The following CHMP4B variants were observed in gnomAD, a reference collection of about 807,000 sequenced individuals.
The protein encoded by CHMP4B is charged multivesicular body protein 4B.
In CHMP4B, 1 loss-of-function variant was observed where a neutral mutation model predicts 25.1. The observed-to-expected ratio is 0.04, with a 90% CI of 0.01 to 0.19. The LOEUF (loss-of-function observed/expected upper bound fraction) is 0.19. CHMP4B is among the 10% of genes least tolerant of loss of function. CHMP4B has a pLI of 1.00. For synonymous variants in CHMP4B, 101 were observed against 115.6 expected (o/e 0.87, Z 0.81); for missense variants, 151 against 289.7 (o/e 0.52, Z 3.48).
chr20:33,852,090 C>G lies in CHMP4B; in HGVS notation c.497C>G (p.Ala166Gly). The change falls in exon 4 of 5, where the codon GCG becomes GGG. Residue 166 changes from alanine (A) to glycine (G), a missense_variant. Around this residue, in one of 3 missense-constraint regions of CHMP4B, gnomAD observed 82 missense variants for 208.3 expected, o/e 0.39. Coordinates refer to ENST00000217402, the MANE Select transcript of CHMP4B (RefSeq NM_176812.5). ...GEEFDEDELMAELEELEQEEL... is the reference protein window; with the variant it reads ...GEEFDEDELMGELEELEQEEL... ...TCCTTTTACTAGGATGAGCTCATGG[C>G]GGAATTAGAAGAACTAGAACAGGAG... is the stretch of plus-strand genomic sequence containing the variant. 1 of 1,614,110 alleles carries G rather than the reference C, an allele frequency of 6.2e-7. No individual in the cohort carries two copies. The highest frequency in any genetic ancestry group is 8.5e-7 in the Non-Finnish European group (1 of 1,180,026).
intron 1 of CHMP4B, among the ~76,000 whole-genome samples, chr20:33,843,472 C>A (rs1439579480): frequency 1.3e-5 from 2 of 152,274 alleles, no homozygotes; most frequent in East Asian, 3.9e-4. Flanking sequence ...TCTTTAGACA[C>A]CTCTTTTTTG....
intron 1 of CHMP4B, among the ~76,000 whole-genome samples, chr20:33,817,386 C>A (rs184585351): frequency 6.6e-6 from 1 of 152,296 alleles, no homozygotes; most frequent in Non-Finnish European, 1.5e-5. Flanking sequence ...TTTTTAATTG[C>A]CTGCCAGAGT....
chr20:33,816,176 A>G (rs544813454), intron 1 of CHMP4B, among the ~76,000 whole-genome samples: 3 of 152,226 alleles, frequency 2.0e-5, no homozygotes, highest in East Asian at 3.9e-4. Context: ...CTTTAGTCAT[A>G]TATTCATTCT....
intron 1 of CHMP4B, among the ~76,000 whole-genome samples, chr20:33,837,905 C>A (rs1979431475): frequency 6.6e-6 from 1 of 152,170 alleles, no homozygotes; most frequent in Admixed American, 6.5e-5. Context: ...AATCTCAGAA[C>A]TATATGGGTT....
rs568558175 is a variant in CHMP4B at position 33,838,067 on chromosome 20, C to T, written c.191-10400C>T. On this transcript the variant is annotated intron_variant, in intron 1 of 4. Transcript: ENST00000217402. ...CAGAGTTGGAACTAGAAGCCAGATT[C>T]GGAATCACAGGACCCGTGTTGCAGG... Among the ~76,000 whole-genome samples the T allele has an allele frequency of 1.0e-3, 159 of 152,322 alleles. 1 individual carries two copies. The highest frequency in any genetic ancestry group is 1.8e-3 in the Non-Finnish European group (125 of 68,032).
rs537009906 is a variant in CHMP4B at position 33,838,411 on chromosome 20, G to A, written c.191-10056G>A. Reference sequence around the variant, plus strand: ...TGGAAAGTGTGTGCCCCTTCCAAAAGGGATGGCTGCTGCTCTGCTCTAGTG... The same window carrying A: ...TGGAAAGTGTGTGCCCCTTCCAAAAAGGATGGCTGCTGCTCTGCTCTAGTG... On this transcript the variant is annotated intron_variant, in intron 1 of 4. Coordinates refer to ENST00000217402, the MANE Select transcript of CHMP4B (RefSeq NM_176812.5). Among the ~76,000 whole-genome samples, 3 of 152,322 alleles carry A rather than the reference G, an allele frequency of 2.0e-5. No homozygotes were observed. In the South Asian group the frequency reaches 6.2e-4, roughly 32 times the overall value.
chr20:33,814,300 G>T (rs1235840967), intron 1 of CHMP4B, among the ~76,000 whole-genome samples: 2 of 152,214 alleles, frequency 1.3e-5, no homozygotes, highest in African/African-American at 4.8e-5. Context: ...TTGAGAGTCA[G>T]AGATGAAAAT....
intron 1 of CHMP4B, 82 bp from the exon 2 acceptor site, chr20:33,848,385 A>C: frequency 1.4e-6 from 2 of 1,382,888 alleles, no homozygotes; most frequent in South Asian, 1.2e-5. Context: ...TGCTTCCAGT[A>C]GAGTTGGGGA....
intron 2 of CHMP4B, 86 bp from the exon 3 acceptor site, chr20:33,850,866 G>A (rs1979826520): frequency 1.1e-6 from 1 of 919,688 alleles, no homozygotes; most frequent in Admixed American, 1.7e-5. Context: ...ATTTTGTGGG[G>A]CCCAGTTTCT....
chr20:33,812,508 C>G (rs1331872327), intron 1 of CHMP4B, among the ~76,000 whole-genome samples: 2 of 152,242 alleles, frequency 1.3e-5, no homozygotes, highest in African/African-American at 4.8e-5. Context: ...TACTTTACTT[C>G]CTGTTGTCGT....
intron 1 of CHMP4B, among the ~76,000 whole-genome samples, chr20:33,823,203 C>T (rs1469115424): frequency 1.3e-5 from 2 of 151,798 alleles, no homozygotes; most frequent in Admixed American, 1.3e-4. Context: ...TGGGAAATAC[C>T]ATGTACTTTA....
At chr20:33,838,049 GGAACTAGAAGCCA>G (rs540167129) in intron 1 of CHMP4B, among the ~76,000 whole-genome samples, 42 of 152,336 alleles carry the variant, frequency 2.8e-4, no homozygotes, top group African/African-American at 9.6e-4. Context: ...TGGCAGAGTT[GGAACTAGAAGCCA>G]GATTCGGAAT....
rs55917511 is a variant in CHMP4B, at chr20:33,830,933, G to GTTTTTTTTTTTTT, written c.191-17530_191-17518dup. The stretch of plus-strand genomic sequence containing the variant: ...TGAATTAATTGTTCAAAGGAACAGA[G>GTTTTTTTTTTTTT]TTTTTTTTTTTTTTTTAGTTTTTTT... On this transcript the variant is annotated intron_variant, in intron 1 of 4. Coordinates refer to ENST00000217402, the MANE Select transcript of CHMP4B (RefSeq NM_176812.5). Among the ~76,000 whole-genome samples, 720 of 102,294 alleles carry GTTTTTTTTTTTTT rather than the reference G, an allele frequency of 7.0e-3. 68 individuals are homozygous for GTTTTTTTTTTTTT. The highest frequency in any genetic ancestry group is 0.016 in the African/African-American group (439 of 27,284). 67.1% of individuals were successfully genotyped at this position (102,294 alleles called of 152,430 possible).
chr20:33,811,403 CCCGAG>C lies in CHMP4B; in HGVS notation c.-42_-38del, dbSNP rs1008712701. On this transcript the variant is annotated 5_prime_UTR_variant, in exon 1 of 5. Transcript: ENST00000217402. ...GACTGGGAGCGGGCGCCGGAGCCGA[CCCGAG>C]CCGAGCCGAGCCGAGCCGAGCCGGA... 3.6e-4 allele frequency: 482 copies of C among 1,329,498 alleles called. 3 individuals are homozygous for C. Among genetic ancestry groups the C allele is most frequent in the African/African-American group, 2.0e-3 (130 of 64,036 alleles). 82.4% of individuals were successfully genotyped at this position (1,329,498 alleles called of 1,614,324 possible).
chr20:33,853,564 G>T lies in CHMP4B; in HGVS notation c.*4G>T. On this transcript the variant is annotated 3_prime_UTR_variant, in exon 5 of 5. Coordinates refer to ENST00000217402, the MANE Select transcript of CHMP4B (RefSeq NM_176812.5). ...GAACTGGGCTGGATCCATGTAATGG[G>T]GTCCAGCGCTGGCTGGGCCCAGACA... 2 of 1,613,618 alleles carry T rather than the reference G, an allele frequency of 1.2e-6. No homozygotes were observed. The highest frequency in any genetic ancestry group is 1.7e-6 in the Non-Finnish European group (2 of 1,179,704).
chr20:33,825,030 G>A (rs895765530), intron 1 of CHMP4B, among the ~76,000 whole-genome samples: 1 of 152,142 alleles, frequency 6.6e-6, no homozygotes, highest in Non-Finnish European at 1.5e-5. Context: ...GGAAACCAAG[G>A]TCTAGAGACT....
At chr20:33,817,851 A>G (rs1347609745) in intron 1 of CHMP4B, among the ~76,000 whole-genome samples, 1 of 152,192 alleles carries the variant, frequency 6.6e-6, no homozygotes, top group Admixed American at 6.5e-5. Flanking sequence ...CTACAGATCT[A>G]GCTGTTTGTA....
intron 1 of CHMP4B, among the ~76,000 whole-genome samples, chr20:33,819,135 C>T (rs1985156961): frequency 6.6e-6 from 1 of 152,136 alleles, no homozygotes; most frequent in African/African-American, 2.4e-5. Flanking sequence ...TGGTCTTGAA[C>T]TCCTGACCTC....
intron 1 of CHMP4B, among the ~76,000 whole-genome samples, chr20:33,845,769 G>A (rs1430239404): frequency 2.0e-5 from 3 of 152,198 alleles, no homozygotes; most frequent in African/African-American, 7.2e-5. Flanking sequence ...TATGTCTAGG[G>A]TATGGCTTTT....
Sources: allele counts gnomAD v4.1 joint callset (sites outside exome capture counted in the v4.1 genomes callset), GRCh38; gene constraint gnomAD v4.1.1; regional missense constraint gnomAD v4.1.1; transcripts MANE v1.5; gene names NCBI Gene and HGNC (gene_info 2026-07-23, HGNC 2026-07-21).